Variants in SYN3 observed in about 807,000 individuals in gnomAD.
SYN3 encodes synapsin-3.
Under a neutral mutation model 65.8 loss-of-function variants are expected in SYN3, and 35 were observed. The observed-to-expected ratio is 0.53, with a 90% CI of 0.41 to 0.70. SYN3 has a LOEUF of 0.70. Among genes scored for constraint, SYN3 ranks in the 30% least tolerant of loss-of-function variants. The pLI is 0.00. For missense variants in SYN3, 680 were observed against 749.0 expected (o/e 0.91, Z 1.08); for synonymous variants, 270 against 292.9 (o/e 0.92, Z 0.80).
intron 6 of SYN3, among the ~76,000 whole-genome samples, chr22:32,618,174 A>G (rs974186805): frequency 6.6e-6 from 1 of 152,170 alleles, no homozygotes; most frequent in Non-Finnish European, 1.5e-5. Context: ...TCGAACGGAC[A>G]GATCCAGCAC....
chr22:32,776,406 T>G (rs1265530402), intron 6 of SYN3, among the ~76,000 whole-genome samples: 1 of 152,206 alleles, frequency 6.6e-6, no homozygotes, highest in Non-Finnish European at 1.5e-5. Flanking sequence ...AAGATAGTCA[T>G]GCCTTACCAG....
chr22:32,586,080 A>T (rs1364415168), intron 7 of SYN3, among the ~76,000 whole-genome samples: 2 of 141,120 alleles, frequency 1.4e-5, no homozygotes, highest in Non-Finnish European at 3.1e-5. Flanking sequence ...ATACATGTAT[A>T]CATGTATATA....
At chr22:32,610,279 C>A (rs2059423771) in intron 6 of SYN3, among the ~76,000 whole-genome samples, 1 of 150,792 alleles carries the variant, frequency 6.6e-6, no homozygotes, top group Non-Finnish European at 1.5e-5. Flanking sequence ...AGATTCTGTC[C>A]CCCTGCCCCC....
intron 4 of SYN3, among the ~76,000 whole-genome samples, chr22:32,881,775 G>C (rs2049144564): frequency 6.6e-6 from 1 of 152,102 alleles, no homozygotes; most frequent in South Asian, 2.1e-4. Context: ...GAACCTTGAG[G>C]CCGGGCACAG....
At chr22:32,929,952 T>C (rs1449811294) in intron 4 of SYN3, among the ~76,000 whole-genome samples, 1 of 152,184 alleles carries the variant, frequency 6.6e-6, no homozygotes, top group African/African-American at 2.4e-5. Flanking sequence ...ACACCAACTC[T>C]TAGAAGGCCT....
intron 6 of SYN3, among the ~76,000 whole-genome samples, chr22:32,800,609 T>C (rs1219298623): frequency 1.3e-5 from 2 of 152,230 alleles, no homozygotes; most frequent in Non-Finnish European, 2.9e-5. Flanking sequence ...TCTGCAATCA[T>C]CTATTATAGC....
intron 6 of SYN3, among the ~76,000 whole-genome samples, chr22:32,610,932 C>A (rs1308062116): frequency 6.6e-6 from 1 of 152,178 alleles, no homozygotes. Context: ...GTGCTTCATT[C>A]TTTTTATTGC....
intron 6 of SYN3, among the ~76,000 whole-genome samples, chr22:32,611,219 G>T (rs919051610): frequency 6.7e-6 from 1 of 149,210 alleles, no homozygotes; most frequent in Non-Finnish European, 1.5e-5. Flanking sequence ...AACCTTTTCC[G>T]TCTCATCCAC....
At chr22:32,771,203 C>T (rs1011815917) in intron 6 of SYN3, among the ~76,000 whole-genome samples, 1 of 152,162 alleles carries the variant, frequency 6.6e-6, no homozygotes, top group Non-Finnish European at 1.5e-5. Flanking sequence ...AGGATGGTTT[C>T]CAGCTTCATC....
intron 6 of SYN3, among the ~76,000 whole-genome samples, chr22:32,721,885 AT>A (rs2061124286): frequency 6.6e-6 from 1 of 152,204 alleles, no homozygotes; most frequent in South Asian, 2.1e-4. Context: ...AGAAGGGGAC[AT>A]TTGAACTGGA....
chr22:32,553,342 TATTA>T (rs1243194526), intron 7 of SYN3, among the ~76,000 whole-genome samples: 1 of 152,192 alleles, frequency 6.6e-6, no homozygotes, highest in African/African-American at 2.4e-5. Flanking sequence ...AAATAAAGCT[TATTA>T]ATTACTTGAA....
At chr22:32,730,433 G>T (rs1030570063) in intron 6 of SYN3, among the ~76,000 whole-genome samples, 1 of 152,188 alleles carries the variant, frequency 6.6e-6, no homozygotes, top group South Asian at 2.1e-4. Flanking sequence ...TCCCATTTCA[G>T]CTGATTTTCT....
At chr22:32,659,485 C>T (rs796476899) in intron 6 of SYN3, among the ~76,000 whole-genome samples, 241 of 152,302 alleles carry the variant, frequency 1.6e-3, no homozygotes, top group African/African-American at 4.5e-3. Context: ...CCACCTGGAC[C>T]TGTGACATGA....
intron 4 of SYN3, among the ~76,000 whole-genome samples, chr22:32,894,404 A>G (rs1360867089): frequency 1.3e-5 from 2 of 152,144 alleles, no homozygotes; most frequent in African/African-American, 2.4e-5. Flanking sequence ...GTCTCTTTCT[A>G]TTGCAGAGGG....
chr22:32,637,968 T>C (rs1041026502), intron 6 of SYN3, among the ~76,000 whole-genome samples: 8 of 152,180 alleles, frequency 5.3e-5, no homozygotes, highest in Non-Finnish European at 1.2e-4. Flanking sequence ...TTGTTTCCCT[T>C]CCTTCCCTCT....
intron 2 of SYN3, among the ~76,000 whole-genome samples, chr22:32,980,957 C>T (rs562612884): frequency 6.6e-5 from 10 of 151,894 alleles, no homozygotes; most frequent in African/African-American, 2.4e-4. Flanking sequence ...CAGGTTCAAG[C>T]GATTCTCCTG....
chr22:32,539,383 A>C (rs1414439068), intron 8 of SYN3, among the ~76,000 whole-genome samples: 1 of 152,194 alleles, frequency 6.6e-6, no homozygotes, highest in Non-Finnish European at 1.5e-5. Context: ...ATAGATTAGC[A>C]ATCAGGAAAG....
rs2057672680 is a variant in SYN3, at chr22:32,509,853, C to G, written c.*3839G>C. Reference sequence around the variant, plus strand: ...AAAGTGCTGGGATTACTGATGTGAGCCACTGCGCCTGGCCCCAGTGGGGAA... The same window carrying G: ...AAAGTGCTGGGATTACTGATGTGAGGCACTGCGCCTGGCCCCAGTGGGGAA... On this transcript the variant is annotated 3_prime_UTR_variant, in exon 14 of 14. Coordinates refer to ENST00000358763, the MANE Select transcript of SYN3 (RefSeq NM_003490.4). 6.6e-6 allele frequency among the ~76,000 whole-genome samples: 1 copy of G among 152,148 alleles called. No homozygotes were observed.
At chr22:32,609,571 T>C (rs1364582114) in intron 6 of SYN3, among the ~76,000 whole-genome samples, 1 of 151,284 alleles carries the variant, frequency 6.6e-6, no homozygotes, top group African/African-American at 2.4e-5. Context: ...CAAACTCCTG[T>C]ACTCAAGTAA....
Sources: allele counts gnomAD v4.1 joint callset (sites outside exome capture counted in the v4.1 genomes callset), GRCh38; gene constraint gnomAD v4.1.1; transcripts MANE v1.5; gene names NCBI Gene and HGNC (gene_info 2026-07-23, HGNC 2026-07-21).